Variants in TTC21B observed in about 807,000 individuals in gnomAD.
TTC21B encodes the protein tetratricopeptide repeat domain 21B.
TTC21B carries 127 observed loss-of-function variants against 175.1 expected under a neutral mutation model. The ratio of observed to expected loss-of-function variants is 0.73; its 90% confidence interval spans 0.63 to 0.84. TTC21B has a LOEUF of 0.84. Among genes scored for constraint, TTC21B ranks in the 40% least tolerant of loss-of-function variants. The probability of loss-of-function intolerance (pLI) is 0.00; values close to 1 mark genes in which losing one functional copy is unlikely to be tolerated. For missense variants in TTC21B, 1,561 were observed against 1,558.3 expected (o/e 1.00, Z -0.03); for synonymous variants, 524 against 524.5 (o/e 1.00, Z 0.01).
At position 165,932,954 on chromosome 2, in the gene TTC21B, A is replaced by G; in HGVS notation, c.795+19T>C. The G allele has an allele frequency of 6.2e-7, 1 of 1,603,338 alleles. No individual in the cohort carries two copies. The highest frequency in any genetic ancestry group is 1.1e-5 in the South Asian group (1 of 90,648). ...ATATTTTTTAATATAGGAAACTTAA[A>G]TAATACAATGCCACTTACCTTCTCT... On this transcript the variant is annotated intron_variant, in intron 7 of 28. Transcript: ENST00000243344.
At chr2:165,882,771 G>A (rs1257877461) in intron 26 of TTC21B, among the ~76,000 whole-genome samples, 2 of 152,124 alleles carry the variant, frequency 1.3e-5, no homozygotes, top group African/African-American at 2.4e-5. Flanking sequence ...GCAATGTATT[G>A]TTATCAGCGT....
chr2:165,890,857 A>G lies in TTC21B; in HGVS notation c.3082T>C (p.Cys1028Arg). ...RAKLEPGFQY[C>R]KGLYLWYTGE... ...ATTTACCAAAGATACAGTCCTTTACAATACTGAAATCCTGGTTCCAATTTT... is the reference window on the plus strand; with the variant it reads ...ATTTACCAAAGATACAGTCCTTTACGATACTGAAATCCTGGTTCCAATTTT... Residue 1028 changes from cysteine (C) to arginine (R), a missense_variant, in exon 23 of 29, where the codon TGT becomes CGT. Transcript: ENST00000243344. The G allele has an allele frequency of 6.2e-7, 1 of 1,613,496 alleles. No homozygotes were observed. Among genetic ancestry groups the G allele is most frequent in the Non-Finnish European group, 8.5e-7 (1 of 1,179,634 alleles).
At position 165,919,389 on chromosome 2, in the gene TTC21B, G is replaced by A. The variant is rs1407814183; in HGVS notation, c.1561C>T (p.His521Tyr). 5.0e-6 allele frequency: 8 copies of A among 1,613,958 alleles called. No homozygotes were observed. Among genetic ancestry groups the A allele is most frequent in the Non-Finnish European group, 6.8e-6 (8 of 1,179,986 alleles). ...AFNNLQHCLE[H>Y]NPSYADAHLL... is the part of the protein sequence containing the mutation. ...TGAGCATCAGCATAAGAGGGATTGT[G>A]TTCTAAGCAGTGCTGAAGGTTATTG... The change falls in exon 13 of 29, where the codon CAC (histidine) becomes TAC (tyrosine). Residue 521 changes from histidine (H) to tyrosine (Y), a missense_variant. His to Tyr is a moderately conservative substitution (Grantham distance 83). Coordinates refer to ENST00000243344, the MANE Select transcript of TTC21B (RefSeq NM_024753.5).
chr2:165,901,645 T>G (rs1489660991), intron 20 of TTC21B, 77 bp downstream of exon 20: 1 of 1,397,188 alleles, frequency 7.2e-7, no homozygotes, highest in Non-Finnish European at 1.0e-6. Flanking sequence ...TAAAATAAGC[T>G]GGTAAAAATT....
At chr2:165,878,650 C>T (rs59462750) in intron 27 of TTC21B, among the ~76,000 whole-genome samples, 2,705 of 151,282 alleles carry the variant, frequency 0.018, 116 homozygotes, top group Admixed American at 0.098. Context: ...AATATTCAAC[C>T]CTGAATTCTA....
At chr2:165,893,811 T>C (rs1300538830) in intron 22 of TTC21B, among the ~76,000 whole-genome samples, 1 of 151,918 alleles carries the variant, frequency 6.6e-6, no homozygotes, top group Admixed American at 6.6e-5. Flanking sequence ...GCATTCCAAG[T>C]AGCAGAAGGC....
At chr2:165,900,928 G>A (rs1685540008) in intron 20 of TTC21B, among the ~76,000 whole-genome samples, 1 of 148,730 alleles carries the variant, frequency 6.7e-6, no homozygotes, top group Non-Finnish European at 1.5e-5. Flanking sequence ...TTGAGACAGG[G>A]TATTGCTTTG....
Position 165,913,632 on chromosome 2 carries a change from CT to C in TTC21B, c.2152del (p.Arg718GlufsTer16). 1 of 1,612,736 alleles carries C rather than the reference CT, an allele frequency of 6.2e-7. No individual in the cohort carries two copies. The highest frequency in any genetic ancestry group is 8.5e-7 in the Non-Finnish European group (1 of 1,178,944). ...YITCFREIAE[R>X]MANPRSFLLL... ...AAGAAAAGACCGAGGGTTAGCCATT[CT>C]TTCAGCAATTTCTCTGGAAATCAGA... On this transcript the variant is annotated frameshift_variant, in exon 16 of 29. Coordinates refer to ENST00000243344, the MANE Select transcript of TTC21B (RefSeq NM_024753.5). LOFTEE classifies it high-confidence loss of function.
chr2:165,901,977 A>G lies in TTC21B; in HGVS notation c.2569-67T>C, dbSNP rs1341614040. The G allele has an allele frequency of 1.4e-5, 19 of 1,314,950 alleles. No individual in the cohort carries two copies. The African/African-American group carries it at 2.2e-4, about 15-fold the overall frequency. The allele number at this position is 1,314,950 out of a possible 1,614,324, so 81.5% of individuals were successfully genotyped here. A position where few individuals can be genotyped will look rare whatever the true frequency, so the allele number is the denominator to read the frequency against. ...AAATTAAATTCTCCGTAACTCACACACAGCATAATTTTACAGATTTATTTA... is the reference window on the plus strand; with the variant it reads ...AAATTAAATTCTCCGTAACTCACACGCAGCATAATTTTACAGATTTATTTA... On this transcript the variant is annotated intron_variant, in intron 19 of 28. Transcript: ENST00000243344.
chr2:165,890,431 T>A, intron 24 of TTC21B, 48 bp downstream of exon 24: 1 of 1,579,832 alleles, frequency 6.3e-7, no homozygotes, highest in Non-Finnish European at 8.7e-7. Flanking sequence ...CTGTTTATTA[T>A]CTCCAACAAG....
Position 165,890,825 on chromosome 2 carries a change from T to C in TTC21B, c.3101+13A>G, listed in dbSNP as rs560751264. The C allele has an allele frequency of 1.2e-6, 2 of 1,611,976 alleles. No individual in the cohort carries two copies. Among genetic ancestry groups the C allele is most frequent in the East Asian group, 4.5e-5 (2 of 44,744 alleles). On this transcript the variant is annotated intron_variant, in intron 23 of 28. Coordinates refer to ENST00000243344, the MANE Select transcript of TTC21B (RefSeq NM_024753.5). ...AAAAAAATCATGTAGCATTTATTTG[T>C]AAATAGATTTACCAAAGATACAGTC...
chr2:165,887,070 C>T (rs1025453292), intron 25 of TTC21B, among the ~76,000 whole-genome samples: 1 of 152,100 alleles, frequency 6.6e-6, no homozygotes, highest in African/African-American at 2.4e-5. Context: ...ATACTTGTAC[C>T]CAAGCCACAA....
At chr2:165,928,077 T>C (rs535124923) in intron 11 of TTC21B, among the ~76,000 whole-genome samples, 2 of 152,278 alleles carry the variant, frequency 1.3e-5, no homozygotes, top group South Asian at 4.1e-4. Context: ...TAGTACAACA[T>C]AGGGTTTCAT....
In TTC21B at chr2:165,874,595, C is replaced by A; in HGVS notation, c.*160G>T. 1.5e-6 allele frequency: 1 copy of A among 646,708 alleles called. No homozygotes were observed. Among genetic ancestry groups the A allele is most frequent in the South Asian group, 1.8e-5 (1 of 55,352 alleles). 40.1% of individuals were successfully genotyped at this position (646,708 alleles called of 1,614,324 possible). The stretch of plus-strand genomic sequence containing the variant: ...ACTCCATTAGGAAACACCAATTTCA[C>A]ATAGTACTTCTCTTGATGTACAGCA... On this transcript the variant is annotated 3_prime_UTR_variant, in exon 29 of 29. Transcript: ENST00000243344.
chr2:165,950,521 T>C (rs180792817), intron 1 of TTC21B, among the ~76,000 whole-genome samples: 20 of 152,326 alleles, frequency 1.3e-4, no homozygotes, highest in African/African-American at 4.1e-4. Context: ...ACCCCATACC[T>C]ACCTACCTGG....
chr2:165,924,873 C>T (rs1686570215), intron 11 of TTC21B, among the ~76,000 whole-genome samples, 195 bp from the exon 12 acceptor site: 1 of 152,110 alleles, frequency 6.6e-6, no homozygotes, highest in South Asian at 2.1e-4. Context: ...TATGAACAGA[C>T]AATGCAAATA....
intron 24 of TTC21B, among the ~76,000 whole-genome samples, chr2:165,889,977 A>G: frequency 6.6e-6 from 1 of 152,130 alleles, no homozygotes; most frequent in South Asian, 2.1e-4. Context: ...GCAGTATACC[A>G]CACTAACAGC....
At chr2:165,919,245 T>C (rs761538222) in intron 13 of TTC21B, 31 bp downstream of exon 13, 5 of 1,611,292 alleles carry the variant, frequency 3.1e-6, no homozygotes, top group East Asian at 2.2e-5. Flanking sequence ...GAGGGTGATA[T>C]GTCTTATCCA....
chr2:165,900,118 T>C (rs1417336906), intron 20 of TTC21B, among the ~76,000 whole-genome samples: 2 of 141,796 alleles, frequency 1.4e-5, no homozygotes, highest in African/African-American at 5.3e-5. Context: ...TAGAGAGACA[T>C]AATGCATTGT....
Sources: gnomAD v4.1 joint callset for allele counts (sites outside exome capture counted in the v4.1 genomes callset) on GRCh38, gnomAD v4.1.1 for gene constraint, MANE v1.5 for transcripts, NCBI Gene and HGNC (gene_info 2026-07-23, HGNC 2026-07-21) for gene names.